BMPR1A: variants seen among roughly 807,000 people sequenced by gnomAD.
BMPR1A encodes the protein bone morphogenetic protein receptor type 1A.
In BMPR1A, 7 loss-of-function variants were observed where a neutral mutation model predicts 66.0. That is an observed-to-expected ratio of 0.11 (90% confidence interval 0.06 to 0.20). BMPR1A has a LOEUF of 0.20. Among genes scored for constraint, BMPR1A ranks in the 10% least tolerant of loss-of-function variants. BMPR1A has a pLI of 1.00. For synonymous variants in BMPR1A, 200 were observed against 229.7 expected (o/e 0.87, Z 1.17); for missense variants, 408 against 669.1 (o/e 0.61, Z 4.31).
At chr10:86,855,922 A>G in intron 2 of BMPR1A, 2 of 653,520 alleles carry the variant, frequency 3.1e-6, no homozygotes, top group South Asian at 1.7e-5. Context: ...GATTGTTGAT[A>G]TCTGATGTTT....
chr10:86,798,767 T>G (rs765947051), intron 1 of BMPR1A, among the ~76,000 whole-genome samples: 1 of 152,322 alleles, frequency 6.6e-6, no homozygotes, highest in Middle Eastern at 3.4e-3. Flanking sequence ...GCATCCTGTT[T>G]TAAATCTCCT....
chr10:86,835,125 C>T (rs989705530), intron 1 of BMPR1A, among the ~76,000 whole-genome samples: 7 of 151,596 alleles, frequency 4.6e-5, no homozygotes, highest in Admixed American at 3.9e-4. Context: ...TTGCTGGCTA[C>T]TTGGGAGGCT....
At chr10:86,809,481 A>T (rs1049454776) in intron 1 of BMPR1A, among the ~76,000 whole-genome samples, 8 of 151,364 alleles carry the variant, frequency 5.3e-5, no homozygotes, top group African/African-American at 1.9e-4. Flanking sequence ...TTTTGCCGAG[A>T]TGCGGTTTTG....
At chr10:86,905,304 ATCT>A (rs1843370159) in intron 7 of BMPR1A, among the ~76,000 whole-genome samples, 2 of 152,170 alleles carry the variant, frequency 1.3e-5, no homozygotes, top group East Asian at 3.8e-4. Context: ...TTCCTCTGGC[ATCT>A]TCTTTTGTAG....
intron 1 of BMPR1A, among the ~76,000 whole-genome samples, chr10:86,790,188 AATATATATATATATATATATATATAT>A (rs1228412063): frequency 4.9e-5 from 1 of 20,272 alleles, no homozygotes; most frequent in African/African-American, 3.2e-4. Flanking sequence ...AAAAAAAAAA[AATATATATATATATATATATATATAT>A]ATATATATAT....
At chr10:86,884,250 A>G (rs1406675436) in intron 3 of BMPR1A, among the ~76,000 whole-genome samples, 1 of 151,566 alleles carries the variant, frequency 6.6e-6, no homozygotes, top group African/African-American at 2.4e-5. Flanking sequence ...ACACGCAGCT[A>G]ATTTTTTAAA....
chr10:86,900,927 C>A (rs1399062483), intron 7 of BMPR1A, among the ~76,000 whole-genome samples: 2 of 152,214 alleles, frequency 1.3e-5, no homozygotes, highest in Non-Finnish European at 2.9e-5. Context: ...TGGGGTTCCT[C>A]CCCTTGGGGC....
At chr10:86,905,536 T>G (rs1231386090) in intron 7 of BMPR1A, among the ~76,000 whole-genome samples, 1 of 152,170 alleles carries the variant, frequency 6.6e-6, no homozygotes, top group Non-Finnish European at 1.5e-5. Context: ...ATTGCCACTT[T>G]CCTATTGAAT....
intron 2 of BMPR1A, among the ~76,000 whole-genome samples, chr10:86,867,632 G>A (rs1223247082): frequency 6.6e-6 from 1 of 152,170 alleles, no homozygotes; most frequent in African/African-American, 2.4e-5. Context: ...AAACAAAAAA[G>A]CTTTGGAGAA....
chr10:86,900,225 C>T, intron 7 of BMPR1A, 99 bp downstream of exon 7: 1 of 1,152,722 alleles, frequency 8.7e-7, no homozygotes, highest in Non-Finnish European at 1.3e-6. Context: ...CTTGTATTCT[C>T]TGGTTGTATA....
intron 1 of BMPR1A, among the ~76,000 whole-genome samples, chr10:86,801,466 A>T (rs980547736): frequency 6.6e-6 from 1 of 152,056 alleles, no homozygotes; most frequent in East Asian, 1.9e-4. Context: ...GATTAATATC[A>T]CCTAGTTAGC....
intron 2 of BMPR1A, among the ~76,000 whole-genome samples, chr10:86,844,095 T>C (rs1360856734): frequency 3.3e-5 from 5 of 152,182 alleles, no homozygotes; most frequent in Admixed American, 1.3e-4. Context: ...CTTTTCTAAA[T>C]GTAGAGAAAC....
intron 1 of BMPR1A, among the ~76,000 whole-genome samples, chr10:86,832,176 C>T (rs1208865230): frequency 6.6e-6 from 1 of 152,014 alleles, no homozygotes; most frequent in Non-Finnish European, 1.5e-5. Context: ...AATTAGAAAT[C>T]ATTGAAAAAG....
chr10:86,800,386 CATTTTT>C (rs1157246012), intron 1 of BMPR1A, among the ~76,000 whole-genome samples: 3 of 152,088 alleles, frequency 2.0e-5, no homozygotes, highest in African/African-American at 7.2e-5. Context: ...AAAATAAGGC[CATTTTT>C]GTTTTTGTTT....
At chr10:86,886,661 C>T (rs1271378050) in intron 3 of BMPR1A, among the ~76,000 whole-genome samples, 2 of 152,024 alleles carry the variant, frequency 1.3e-5, no homozygotes. Flanking sequence ...CAGAGAGGCT[C>T]TTTCCTGTTA....
intron 1 of BMPR1A, among the ~76,000 whole-genome samples, chr10:86,822,585 T>C (rs1842134811): frequency 6.6e-6 from 1 of 152,106 alleles, no homozygotes; most frequent in South Asian, 2.1e-4. Flanking sequence ...TTTGAGAAGG[T>C]TACTTAATCA....
At chr10:86,842,365 G>A (rs1842436241) in intron 2 of BMPR1A, among the ~76,000 whole-genome samples, 1 of 152,182 alleles carries the variant, frequency 6.6e-6, no homozygotes, top group African/African-American at 2.4e-5. Context: ...CTCACAGAAG[G>A]CAAGGGAATT....
At chr10:86,855,923 T>A (rs1413101220) in intron 2 of BMPR1A, 1 of 652,116 alleles carries the variant, frequency 1.5e-6, no homozygotes, top group Admixed American at 2.4e-5. Context: ...ATTGTTGATA[T>A]CTGATGTTTT....
At chr10:86,898,239 T>C (rs2133444732) in intron 5 of BMPR1A, among the ~76,000 whole-genome samples, 1 of 148,186 alleles carries the variant, frequency 6.7e-6, no homozygotes, top group South Asian at 2.1e-4. Context: ...AAAAGGGACG[T>C]ATATAACACA....
Sources: allele counts gnomAD v4.1 joint callset (sites outside exome capture counted in the v4.1 genomes callset), GRCh38; gene constraint gnomAD v4.1.1; transcripts MANE v1.5; gene names NCBI Gene and HGNC (gene_info 2026-07-23, HGNC 2026-07-21).